Variants in SRCIN1 observed in about 807,000 individuals in gnomAD.
SRCIN1 encodes the protein SRC kinase signaling inhibitor 1, also known as P130Cas-associated protein.
SRCIN1 carries 50 observed loss-of-function variants against 116.2 expected under a neutral mutation model. The ratio of observed to expected loss-of-function variants is 0.43; its 90% CI spans 0.34 to 0.54. The LOEUF (loss-of-function observed/expected upper bound fraction) is 0.54. Ranked by LOEUF, SRCIN1 falls within the 20% of genes least tolerant of loss-of-function variation. The pLI, the probability that SRCIN1 is intolerant of heterozygous loss-of-function variation, is 0.02. For missense variants in SRCIN1, 1,446 were observed against 1,672.0 expected (o/e 0.86, Z 2.36); for synonymous variants, 736 against 750.0 (o/e 0.98, Z 0.30).
intron 2 of SRCIN1, among the ~76,000 whole-genome samples, chr17:38,571,542 A>C (rs1054149749): frequency 6.6e-6 from 1 of 152,106 alleles, no homozygotes; most frequent in Non-Finnish European, 1.5e-5. Context: ...CTGGCTGTCC[A>C]CCTCAAGCCA....
At chr17:38,583,843 G>A (rs1043975958) in intron 1 of SRCIN1, among the ~76,000 whole-genome samples, 2 of 152,152 alleles carry the variant, frequency 1.3e-5, no homozygotes, top group Non-Finnish European at 2.9e-5. Context: ...GTGAGCCACC[G>A]CGCCAGGCCA....
chr17:38,535,284 C>T (rs1308258082), intron 18 of SRCIN1, among the ~76,000 whole-genome samples: 4 of 148,914 alleles, frequency 2.7e-5, no homozygotes, highest in Non-Finnish European at 4.4e-5. Context: ...TCTTGGCTCA[C>T]GGCAACCTCC....
intron 1 of SRCIN1, 84 bp downstream of exon 1, chr17:38,605,600 G>A (rs1475211395): frequency 2.6e-6 from 3 of 1,168,020 alleles, no homozygotes; most frequent in South Asian, 1.6e-5. Flanking sequence ...GCCCCCGGCC[G>A]AGGGGGAAAA....
intron 11 of SRCIN1, among the ~76,000 whole-genome samples, chr17:38,557,463 C>A (rs1905881879): frequency 2.0e-5 from 3 of 152,192 alleles, no homozygotes; most frequent in Admixed American, 6.5e-5. Flanking sequence ...CAAGAGAGGG[C>A]CCAAAGGAAG....
chr17:38,605,467 C>T (rs982845489), intron 1 of SRCIN1, among the ~76,000 whole-genome samples: 1 of 149,540 alleles, frequency 6.7e-6, no homozygotes, highest in Non-Finnish European at 1.5e-5. Context: ...CTGGTCCCAG[C>T]ACTCCTCTCG....
At chr17:38,566,925 C>G (rs1463176427) in intron 3 of SRCIN1, among the ~76,000 whole-genome samples, 1 of 151,326 alleles carries the variant, frequency 6.6e-6, no homozygotes, top group Non-Finnish European at 1.5e-5. Flanking sequence ...TTCCTTCTTT[C>G]TTTCCTTCTT....
intron 2 of SRCIN1, among the ~76,000 whole-genome samples, chr17:38,576,539 A>G (rs1907426851): frequency 6.6e-6 from 1 of 151,896 alleles, no homozygotes; most frequent in Admixed American, 6.6e-5. Context: ...TCCACTTTGT[A>G]TCTGCTGTGA....
At chr17:38,550,762 C>G (rs976732745) in intron 15 of SRCIN1, among the ~76,000 whole-genome samples, 1 of 152,234 alleles carries the variant, frequency 6.6e-6, no homozygotes, top group African/African-American at 2.4e-5. Context: ...TGGATTTCTG[C>G]CACTCCCGGG....
At chr17:38,593,496 A>G (rs1908552772) in intron 1 of SRCIN1, among the ~76,000 whole-genome samples, 2 of 152,106 alleles carry the variant, frequency 1.3e-5, no homozygotes, top group Admixed American at 6.6e-5. Context: ...CTGCCCTGCT[A>G]GAGACTGGGA....
At chr17:38,561,406 C>T in intron 7 of SRCIN1, 57 bp downstream of exon 7, 4 of 1,436,512 alleles carry the variant, frequency 2.8e-6, no homozygotes, top group Non-Finnish European at 3.6e-6. Flanking sequence ...TGCTGTGAAC[C>T]CTCTCCGCAG....
intron 18 of SRCIN1, among the ~76,000 whole-genome samples, chr17:38,534,577 G>A (rs368950947): frequency 9.2e-5 from 14 of 152,196 alleles, no homozygotes; most frequent in African/African-American, 2.7e-4. Context: ...CCACCCTGAG[G>A]TTAGGTCTGG....
rs1024257461 is a variant in SRCIN1, at chr17:38,604,684, C to T, written c.22+1000G>A. On this transcript the variant is annotated intron_variant, in intron 1 of 18. Transcript: ENST00000617146. This position sits in a 1 kb window ranked among gnomAD's most constrained non-coding sequence, Gnocchi z 4.3. ...CTGACAGCTGAGCTGCGGAGGCACC[C>T]GGCCTGTCCCCTCTGCTTCCACCAG... 19 of 354,114 alleles carry T rather than the reference C, an allele frequency of 5.4e-5. No individual in the cohort carries two copies. Among genetic ancestry groups the T allele is most frequent in the Non-Finnish European group, 7.8e-5 (14 of 179,186 alleles). 21.9% of individuals were successfully genotyped at this position (354,114 alleles called of 1,614,324 possible). A position where few individuals can be genotyped will look rare whatever the true frequency, so the allele number is the denominator to read the frequency against.
Position 38,578,667 on chromosome 17 carries a change from C to A in SRCIN1, c.147G>T (p.Leu49=), listed in dbSNP as rs773017835. The A allele has an allele frequency of 3.2e-6, 5 of 1,568,208 alleles. No individual in the cohort carries two copies. In the East Asian group the frequency reaches 1.2e-4, roughly 37 times the overall value. The change falls in exon 2 of 19, where the codon CTG becomes CTT. Residue 49 remains leucine (L), a synonymous_variant. Coordinates refer to ENST00000617146, the MANE Select transcript of SRCIN1 (RefSeq NM_025248.3). ...SGGRRFSNVG[L]VHTSERRHTV... is the part of the protein sequence containing the mutation. ...TGTGCCGCCGCTCGGACGTGTGCAC[C>A]AGCCCCACGTTGGAGAAGCGCCGGC...
chr17:38,538,307 C>G (rs573335045), intron 18 of SRCIN1, among the ~76,000 whole-genome samples: 1 of 148,390 alleles, frequency 6.7e-6, no homozygotes, highest in African/African-American at 2.5e-5. Flanking sequence ...ATCCCAGCTA[C>G]TAGGGAGGCT....
At chr17:38,606,102 C>T (rs1356036316), upstream of SRCIN1, among the ~76,000 whole-genome samples, 3 of 150,616 alleles carry the variant, frequency 2.0e-5, no homozygotes, top group East Asian at 5.9e-4. The surrounding 1 kb of genome is among the most constrained non-coding windows in gnomAD (Gnocchi z 5.2). Flanking sequence ...CGCCCTCCAG[C>T]TTCACCGCGT....
intron 2 of SRCIN1, among the ~76,000 whole-genome samples, chr17:38,569,961 C>T (rs557989481): frequency 4.6e-5 from 7 of 152,200 alleles, no homozygotes; most frequent in South Asian, 2.1e-4. Context: ...GCAGACCCAG[C>T]GGTGATGGAC....
At chr17:38,559,327 GAGA>G (rs2143161987) in intron 10 of SRCIN1, 1 of 547,758 alleles carries the variant, frequency 1.8e-6, no homozygotes, top group Non-Finnish European at 3.2e-6. Context: ...CTCAGGGAAG[GAGA>G]AGGAGGGCTC....
chr17:38,552,753 C>A lies in SRCIN1; in HGVS notation c.2304G>T (p.Gln768His), dbSNP rs367731128. The A allele has an allele frequency of 2.4e-5, 38 of 1,613,876 alleles. No homozygotes were observed. In the African/African-American group the frequency reaches 4.7e-4, roughly 20 times the overall value. The part of the protein sequence containing the change: ...ELEEKALVLK[Q>H]LGETLTELKA... ...TGAGCTCTGTCAGCGTCTCCCCGAG[C>A]TGCTTCAGCACCAGTGCCTTCTCCT... is the stretch of plus-strand genomic sequence containing the variant. The change falls in exon 12 of 19, where the codon CAG (glutamine) becomes CAT (histidine). Residue 768 changes from glutamine (Q) to histidine (H), a missense_variant. Transcript: ENST00000617146. The surrounding 1 kb of genome is among the most constrained non-coding windows in gnomAD (Gnocchi z 5.3).
At chr17:38,548,203 T>A (rs1905180350) in intron 17 of SRCIN1, among the ~76,000 whole-genome samples, 1 of 151,574 alleles carries the variant, frequency 6.6e-6, no homozygotes, top group East Asian at 1.9e-4. Flanking sequence ...AGTATGGGGG[T>A]CTCAAGCATG....
Sources: gnomAD v4.1 joint callset for allele counts (sites outside exome capture counted in the v4.1 genomes callset) on GRCh38, gnomAD v4.1.1 for gene constraint, Gnocchi (gnomAD v3.1) non-coding constraint, MANE v1.5 for transcripts, NCBI Gene and HGNC (gene_info 2026-07-23, HGNC 2026-07-21) for gene names.